Variants in CALHM4 observed in about 807,000 individuals in gnomAD.
CALHM4 encodes calcium homeostasis modulator protein 4.
A neutral mutation model predicts 13.3 loss-of-function variants in CALHM4; 16 were observed. That is an observed-to-expected ratio of 1.20 (90% CI 0.81 to 1.82). The LOEUF is 1.82. Among genes scored for constraint, CALHM4 ranks in the 40% most tolerant of loss-of-function variants. The pLI is 0.00. For synonymous variants in CALHM4, 127 were observed against 137.1 expected, an observed-to-expected ratio of 0.93 and a Z score of 0.52; for missense variants, 344 against 374.9, an observed-to-expected ratio of 0.92 and a Z score of 0.68.
At chr6:116,552,383 C>T (rs1216910701), upstream of CALHM4, among the ~76,000 whole-genome samples, 1 of 152,092 alleles carries the variant, frequency 6.6e-6, no homozygotes, top group Non-Finnish European at 1.5e-5. Context: ...TACCAACATT[C>T]TTCAGATATA....
chr6:116,559,556 G>T lies in CALHM4; in HGVS notation c.*1345G>T, dbSNP rs1399297720. 1.3e-5 allele frequency among the ~76,000 whole-genome samples: 2 copies of T among 152,138 alleles called. No homozygotes were observed. The highest frequency in any genetic ancestry group is 2.9e-5 in the Non-Finnish European group (2 of 68,002). On this transcript the variant is annotated 3_prime_UTR_variant, in exon 2 of 2. Transcript: ENST00000368596. ...CAGGTTTTGTTTTGTCCTTCAATAAGAGACTGCATATTGTAGCTCTTTGCT... is the reference window on the plus strand; with the variant it reads ...CAGGTTTTGTTTTGTCCTTCAATAATAGACTGCATATTGTAGCTCTTTGCT...
intron 2 of CALHM4, among the ~76,000 whole-genome samples, chr6:116,547,369 G>A (rs953601205): frequency 6.6e-6 from 1 of 152,104 alleles, no homozygotes; most frequent in Non-Finnish European, 1.5e-5. Flanking sequence ...TATGGCCATC[G>A]GGAGAATTCG....
chr6:116,547,664 TC>T (rs1232729228), intron 2 of CALHM4, among the ~76,000 whole-genome samples: 1 of 152,192 alleles, frequency 6.6e-6, no homozygotes, highest in Non-Finnish European at 1.5e-5. Flanking sequence ...GTAAATGTAC[TC>T]CTCCCTTAAA....
At chr6:116,554,738 A>G (rs1040844217) in intron 1 of CALHM4, among the ~76,000 whole-genome samples, 2 of 152,198 alleles carry the variant, frequency 1.3e-5, no homozygotes, top group East Asian at 3.8e-4. Flanking sequence ...CTATATTAGT[A>G]AATCCCATTT....
intron 1 of CALHM4, among the ~76,000 whole-genome samples, chr6:116,531,638 A>G (rs1343643492): frequency 1.3e-5 from 2 of 152,146 alleles, no homozygotes; most frequent in African/African-American, 2.4e-5. Flanking sequence ...AAAGGAGTCT[A>G]CCTAACACAA....
Position 116,554,279 on chromosome 6 carries a change from T to C in CALHM4, c.486T>C (p.Cys162=), listed in dbSNP as rs1774210176. 5 of 1,550,582 alleles carry C rather than the reference T, an allele frequency of 3.2e-6. No homozygotes were observed. The highest frequency in any genetic ancestry group is 4.4e-6 in the Non-Finnish European group (5 of 1,147,006). The stretch of plus-strand genomic sequence containing the variant: ...AAGAGATCCTGGCTGGGTTTCCATG[T>C]TGCAGATCAGCTCCTTCTGACGTGA... ...KREEILAGFP[C]CRSAPSDVIL... Residue 162 remains cysteine (C), a synonymous_variant, in exon 1 of 2, where the codon TGT becomes TGC. Transcript: ENST00000368596.
intron 1 of CALHM4, among the ~76,000 whole-genome samples, chr6:116,539,769 TAAC>T (rs1463435779): frequency 2.0e-5 from 3 of 152,110 alleles, no homozygotes; most frequent in Non-Finnish European, 4.4e-5. Context: ...TCCCACAAAT[TAAC>T]AACACTACAT....
chr6:116,543,722 T>C (rs557129683), intron 1 of CALHM4: 67 of 1,100,518 alleles, frequency 6.1e-5, no homozygotes, highest in Middle Eastern at 2.0e-4. Flanking sequence ...ATTTCTAACA[T>C]AAATTTCTGT....
chr6:116,542,140 T>C (rs1198288417), intron 1 of CALHM4, among the ~76,000 whole-genome samples: 3 of 152,188 alleles, frequency 2.0e-5, no homozygotes, highest in Non-Finnish European at 2.9e-5. Context: ...GGAAATGCTA[T>C]GTCAGATGTT....
At chr6:116,557,372 T>C (rs1476307352) in intron 1 of CALHM4, among the ~76,000 whole-genome samples, 1 of 152,220 alleles carries the variant, frequency 6.6e-6, no homozygotes, top group Non-Finnish European at 1.5e-5. Context: ...TGAAAATGCC[T>C]TAGAAGGTTA....
At chr6:116,543,236 GGCAGAAAGAAT>G in intron 1 of CALHM4, 1 of 1,190,466 alleles carries the variant, frequency 8.4e-7, no homozygotes. Context: ...AGTCATTAGA[GGCAGAAAGAAT>G]GCAGGTGATG....
intron 1 of CALHM4, among the ~76,000 whole-genome samples, chr6:116,531,670 A>C (rs1772734355): frequency 6.6e-6 from 1 of 152,154 alleles, no homozygotes; most frequent in African/African-American, 2.4e-5. Context: ...GATGAATTTT[A>C]GGATAATTTT....
At chr6:116,557,091 C>A (rs1345329007) in intron 1 of CALHM4, among the ~76,000 whole-genome samples, 1 of 151,946 alleles carries the variant, frequency 6.6e-6, no homozygotes, top group African/African-American at 2.4e-5. Context: ...GCATGTGCCA[C>A]CATGCCCGAC....
intron 1 of CALHM4, among the ~76,000 whole-genome samples, chr6:116,532,721 G>T (rs759205837): frequency 2.0e-5 from 3 of 152,124 alleles, no homozygotes; most frequent in African/African-American, 4.8e-5. Flanking sequence ...ACAGCAAATC[G>T]TTGGAAGATC....
chr6:116,533,800 T>C (rs1321123486), intron 1 of CALHM4, among the ~76,000 whole-genome samples: 1 of 152,188 alleles, frequency 6.6e-6, no homozygotes, highest in East Asian at 1.9e-4. Flanking sequence ...CTGCTGTGAA[T>C]TGTGACTGGC....
chr6:116,558,280 A>G lies in CALHM4; in HGVS notation c.*69A>G. 2.1e-6 allele frequency: 3 copies of G among 1,442,188 alleles called. No homozygotes were observed. The highest frequency in any genetic ancestry group is 2.8e-6 in the Non-Finnish European group (3 of 1,076,514). The allele number at this position is 1,442,188 out of a possible 1,614,324, so 89.3% of individuals were successfully genotyped here. A position where few individuals can be genotyped will look rare whatever the true frequency, so the allele number is the denominator to read the frequency against. ...CTTTTATGGCTTTTATGATCAGGCC[A>G]TTTCAATGTAATCTCTTCATCTTTT... On this transcript the variant is annotated 3_prime_UTR_variant, in exon 2 of 2. Coordinates refer to ENST00000368596, the MANE Select transcript of CALHM4 (RefSeq NM_001366078.2).
intron 2 of CALHM4, chr6:116,545,484 A>G: frequency 6.5e-7 from 1 of 1,547,950 alleles, no homozygotes; most frequent in Non-Finnish European, 8.7e-7. Context: ...ATTTTATGGT[A>G]TTCTGGTCTT....
chr6:116,542,380 GTT>G (rs1773519313), intron 1 of CALHM4, among the ~76,000 whole-genome samples: 1 of 151,984 alleles, frequency 6.6e-6, no homozygotes, highest in South Asian at 2.1e-4. Flanking sequence ...AAAAATGAGA[GTT>G]TTTTAAAAAG....
At chr6:116,550,025 TACACACAC>T (rs71554855), upstream of CALHM4, among the ~76,000 whole-genome samples, 1 of 96,340 alleles carries the variant, frequency 1.0e-5, no homozygotes, top group South Asian at 4.0e-4. Context: ...TATATATATA[TACACACAC>T]ACACACACAC....
Sources: allele counts gnomAD v4.1 joint callset (sites outside exome capture counted in the v4.1 genomes callset), GRCh38; gene constraint gnomAD v4.1.1; transcripts MANE v1.5; gene names NCBI Gene and HGNC (gene_info 2026-07-23, HGNC 2026-07-21).